The following EXT2 variants were observed in gnomAD, a reference collection of about 807,000 sequenced individuals.
EXT2 encodes exostosin-2.
Under a neutral mutation model 81.6 loss-of-function variants are expected in EXT2, and 53 were observed. The ratio of observed to expected loss-of-function variants is 0.65; its 90% CI spans 0.52 to 0.82. EXT2 has a LOEUF of 0.82. EXT2 is among the 40% of genes least tolerant of loss of function. The pLI, the probability that EXT2 is intolerant of heterozygous loss-of-function variation, is 0.00. For missense variants in EXT2, 774 were observed against 910.2 expected (o/e 0.85, Z 1.93); for synonymous variants, 320 against 340.0 (o/e 0.94, Z 0.65).
Position 44,220,146 on chromosome 11 carries a change from A to G in EXT2, c.1663-12207A>G, listed in dbSNP as rs550443358. Among the ~76,000 whole-genome samples the G allele has an allele frequency of 1.2e-4, 18 of 152,274 alleles. No individual in the cohort carries two copies. Among genetic ancestry groups the G allele is most frequent in the African/African-American group, 4.1e-4 (17 of 41,556 alleles). ...TGAGCCAGGCCTGGTTTTGGTGTGCACAAGGTCAAACCTTGCCAGAGCTGC... is the reference window on the plus strand; with the variant it reads ...TGAGCCAGGCCTGGTTTTGGTGTGCGCAAGGTCAAACCTTGCCAGAGCTGC... On this transcript the variant is annotated intron_variant, in intron 10 of 13. Coordinates refer to ENST00000533608, the MANE Select transcript of EXT2 (RefSeq NM_207122.2). This position sits in a 1 kb window ranked among gnomAD's most constrained non-coding sequence, Gnocchi z 4.4.
At position 44,150,861 on chromosome 11, in the gene EXT2, G is replaced by A. The variant is rs117181285; in HGVS notation, c.1173+20723G>A. The stretch of plus-strand genomic sequence containing the variant: ...GTTTCTTGAGTCCTTGCCCATAGGT[G>A]AGGACTAGTAAATTTTGCTTAACAT... On this transcript the variant is annotated intron_variant, in intron 7 of 13. Transcript: ENST00000533608. 4.8e-3 allele frequency among the ~76,000 whole-genome samples: 726 copies of A among 152,332 alleles called. 5 individuals carry two copies. Among genetic ancestry groups the A allele is most frequent in the East Asian group, 0.03 (157 of 5,188 alleles).
rs770627708 is a variant in EXT2 at position 44,107,809 on chromosome 11, G to T, written c.97G>T (p.Val33Phe). ...CTACTATATCACCCTCTTCTCCATT[G>T]TCCTCCTGGGCCTCATTGCCACTGG... The part of the protein sequence containing the change: ...RIYYITLFSI[V>F]LLGLIATGMF... Residue 33 changes from valine (V) to phenylalanine (F), a missense_variant, in exon 2 of 14, where the codon GTC becomes TTC. Val to Phe is a conservative substitution (Grantham distance 50). Around this residue, in one of 2 missense-constraint regions of EXT2, gnomAD observed 626 missense variants for 670.5 expected, o/e 0.93. Coordinates refer to ENST00000533608, the MANE Select transcript of EXT2 (RefSeq NM_207122.2). The T allele has an allele frequency of 6.2e-7, 1 of 1,614,074 alleles. No homozygotes were observed. The highest frequency in any genetic ancestry group is 1.1e-5 in the South Asian group (1 of 91,078).
Position 44,107,806 on chromosome 11 carries a change from A to G in EXT2, c.94A>G (p.Ile32Val), listed in dbSNP as rs769478020. The G allele has an allele frequency of 8.7e-6, 14 of 1,614,016 alleles. 1 individual carries two copies. In the South Asian group the frequency reaches 1.5e-4, roughly 18 times the overall value. ...HRIYYITLFS[I>V]VLLGLIATGM... ...AATCTACTATATCACCCTCTTCTCCATTGTCCTCCTGGGCCTCATTGCCAC... is the reference window on the plus strand; with the variant it reads ...AATCTACTATATCACCCTCTTCTCCGTTGTCCTCCTGGGCCTCATTGCCAC... Residue 32 changes from isoleucine (I) to valine (V), a missense_variant, in exon 2 of 14, where the codon ATT becomes GTT. Coordinates refer to ENST00000533608, the MANE Select transcript of EXT2 (RefSeq NM_207122.2).
chr11:44,185,375 G>T (rs1056843819), intron 8 of EXT2, among the ~76,000 whole-genome samples: 21 of 152,118 alleles, frequency 1.4e-4, no homozygotes, highest in Admixed American at 5.9e-4. Context: ...AATAATTTTT[G>T]TTCTATTTTA....
intron 13 of EXT2, among the ~76,000 whole-genome samples, chr11:44,239,725 G>T (rs1956014286): frequency 8.6e-6 from 1 of 115,766 alleles, no homozygotes. Context: ...TGGAAGACCA[G>T]AGTTTTATTA....
At chr11:44,232,209 G>A in intron 10 of EXT2, 144 bp from the exon 11 acceptor site, 2 of 1,024,268 alleles carry the variant, frequency 2.0e-6, no homozygotes, top group South Asian at 3.0e-5. Flanking sequence ...CTGTTTGATG[G>A]AACATCTCCA....
intron 4 of EXT2, among the ~76,000 whole-genome samples, chr11:44,118,709 C>T (rs577547621): frequency 2.0e-5 from 3 of 152,140 alleles, no homozygotes; most frequent in South Asian, 4.2e-4. Flanking sequence ...ATTCAGTGCC[C>T]TATTTCGAGG....
At chr11:44,179,851 TTGTGTCTCCCAATTGATTAA>T (rs921213570) in intron 8 of EXT2, among the ~76,000 whole-genome samples, 8 of 152,182 alleles carry the variant, frequency 5.3e-5, no homozygotes, top group East Asian at 3.8e-4. Flanking sequence ...TTCTTGACTT[TTGTGTCTCCCAATTGATTAA>T]TGTGTCTCCC....
Position 44,220,380 on chromosome 11 carries a change from C to T in EXT2, c.1663-11973C>T, listed in dbSNP as rs1955768803. On this transcript the variant is annotated intron_variant, in intron 10 of 13. Transcript: ENST00000533608. This position sits in a 1 kb window ranked among gnomAD's most constrained non-coding sequence, Gnocchi z 4.4. ...CCCCGAGTACCTTTCCTTAGCCTGG[C>T]CATAATGTCAGTACAGTATTGAAAA... Among the ~76,000 whole-genome samples the T allele has an allele frequency of 6.6e-6, 1 of 152,168 alleles. No individual in the cohort carries two copies. The highest frequency in any genetic ancestry group is 1.5e-5 in the Non-Finnish European group (1 of 68,048).
rs74571078 is a variant in EXT2 at position 44,129,369 on chromosome 11, T to C, written c.1080-676T>C. Among the ~76,000 whole-genome samples the C allele has an allele frequency of 9.8e-3, 1,496 of 152,344 alleles. 35 individuals carry two copies. Among genetic ancestry groups the C allele is most frequent in the African/African-American group, 0.034 (1,420 of 41,586 alleles). On this transcript the variant is annotated intron_variant, in intron 6 of 13. Transcript: ENST00000533608. ...CTATACTCTTTGCTGTGACTCTGTCTGTCCCATTTCTTCTTTCCTGGTGTT... is the reference window on the plus strand; with the variant it reads ...CTATACTCTTTGCTGTGACTCTGTCCGTCCCATTTCTTCTTTCCTGGTGTT...
chr11:44,224,309 A>G (rs1955815511), intron 10 of EXT2, among the ~76,000 whole-genome samples: 1 of 152,160 alleles, frequency 6.6e-6, no homozygotes, highest in Non-Finnish European at 1.5e-5. Context: ...TATCAAAATT[A>G]AGATTTTAAA....
At chr11:44,122,224 C>G (rs1049625518) in intron 4 of EXT2, among the ~76,000 whole-genome samples, 1 of 152,162 alleles carries the variant, frequency 6.6e-6, no homozygotes, top group Admixed American at 6.5e-5. Flanking sequence ...TGATGCATGA[C>G]TTTTCAGTAA....
intron 4 of EXT2, among the ~76,000 whole-genome samples, chr11:44,124,394 G>A (rs1241665585): frequency 6.7e-6 from 1 of 149,510 alleles, no homozygotes; most frequent in African/African-American, 2.5e-5. Context: ...GGACTCAGAT[G>A]TAACTAAGAC....
Position 44,247,407 on chromosome 11 carries a change from G to A in EXT2, c.*3120G>A, listed in dbSNP as rs1257290771. 6.9e-6 allele frequency among the ~76,000 whole-genome samples: 1 copy of A among 145,814 alleles called. No individual in the cohort carries two copies. ...TGGGATTACAGGCGCTTGCCACCAC[G>A]CCTGGCTAATTTGTTTGTAATTTTA... On this transcript the variant is annotated 3_prime_UTR_variant, in exon 14 of 14. Coordinates refer to ENST00000533608, the MANE Select transcript of EXT2 (RefSeq NM_207122.2).
At chr11:44,101,267 C>T (rs756239688) in intron 1 of EXT2, among the ~76,000 whole-genome samples, 20 of 152,166 alleles carry the variant, frequency 1.3e-4, no homozygotes, top group Non-Finnish European at 2.4e-4. Context: ...TCTTGGTATG[C>T]GGCTGGGCAG....
Position 44,171,730 on chromosome 11 carries a change from C to T in EXT2, c.1293C>T (p.Asp431=). 1.9e-6 allele frequency: 3 copies of T among 1,613,980 alleles called. No homozygotes were observed. The highest frequency in any genetic ancestry group is 2.7e-5 in the African/African-American group (2 of 75,042). The change falls in exon 8 of 14, where the codon GAC becomes GAT. Residue 431 remains aspartate, a synonymous_variant. Transcript: ENST00000533608. ...CCATCTCCTATGAAGAATGGAATGA[C>T]CCTCCTGCTGTGGTAAGTGAATTCC... The part of the protein sequence containing the change: ...YAAISYEEWN[D]PPAVKWGSVS...
At chr11:44,143,166 G>C (rs981823604) in intron 7 of EXT2, among the ~76,000 whole-genome samples, 5 of 152,164 alleles carry the variant, frequency 3.3e-5, no homozygotes, top group African/African-American at 1.2e-4. Context: ...TGACCAGGCA[G>C]GTCTTGAACT....
intron 4 of EXT2, chr11:44,116,924 G>T (rs986943763): frequency 6.6e-6 from 1 of 150,764 alleles, no homozygotes; most frequent in African/African-American, 2.4e-5. Context: ...TCAGATCCAT[G>T]ATTTGCAAAT....
chr11:44,231,316 G>A (rs781658055), intron 10 of EXT2, among the ~76,000 whole-genome samples: 35 of 152,176 alleles, frequency 2.3e-4, no homozygotes, highest in Admixed American at 5.2e-4. Context: ...TTGGGTTTGA[G>A]CAACTGGCCG....
Sources: allele counts gnomAD v4.1 joint callset (sites outside exome capture counted in the v4.1 genomes callset), GRCh38; gene constraint gnomAD v4.1.1; regional missense constraint gnomAD v4.1.1; non-coding constraint Gnocchi (gnomAD v3.1); transcripts MANE v1.5; gene names NCBI Gene and HGNC (gene_info 2026-07-23, HGNC 2026-07-21).